The following PTPRD variants were observed in gnomAD, a reference collection of about 807,000 sequenced individuals.
PTPRD encodes receptor-type tyrosine-protein phosphatase delta.
In PTPRD, 34 loss-of-function variants were observed where a neutral mutation model predicts 214.5. The ratio of observed to expected loss-of-function variants is 0.16; its 90% CI spans 0.12 to 0.21. The LOEUF (loss-of-function observed/expected upper bound fraction) is 0.21. Ranked by LOEUF, PTPRD falls within the 10% of genes least tolerant of loss-of-function variation. The pLI is 1.00. For synonymous variants in PTPRD, 1,128 were observed against 845.7 expected (o/e 1.33, Z -5.79); for missense variants, 2,545 against 2,398.7 (o/e 1.06, Z -1.27).
At chr9:8,688,205 A>T (rs2097723970) in intron 12 of PTPRD, among the ~76,000 whole-genome samples, 1 of 152,128 alleles carries the variant, frequency 6.6e-6, no homozygotes. Context: ...CATTTCCCTT[A>T]TCCCATTATT....
At chr9:10,071,907 CG>C (rs1334323672) in intron 3 of PTPRD, among the ~76,000 whole-genome samples, 1 of 151,472 alleles carries the variant, frequency 6.6e-6, no homozygotes, top group African/African-American at 2.4e-5. Flanking sequence ...CAATTTTTTT[CG>C]TTTTTTTAAA....
intron 11 of PTPRD, among the ~76,000 whole-genome samples, chr9:8,827,633 GC>G (rs2097202952): frequency 1.3e-5 from 2 of 152,140 alleles, no homozygotes; most frequent in East Asian, 1.9e-4. Flanking sequence ...TTAGGTTTTT[GC>G]CACAGAAAGT....
chr9:9,911,856 T>C (rs2079283981), intron 5 of PTPRD, among the ~76,000 whole-genome samples: 1 of 152,130 alleles, frequency 6.6e-6, no homozygotes, highest in Admixed American at 6.6e-5. Flanking sequence ...AAACCACATT[T>C]GGAAAACTAA....
intron 39 of PTPRD, among the ~76,000 whole-genome samples, chr9:8,364,461 C>G (rs1005537999): frequency 1.3e-5 from 2 of 152,168 alleles, no homozygotes; most frequent in Non-Finnish European, 2.9e-5. Flanking sequence ...CTGGCTGGAG[C>G]CTGAGATGAG....
intron 3 of PTPRD, among the ~76,000 whole-genome samples, chr9:10,057,525 A>T (rs2097677408): frequency 6.6e-6 from 1 of 152,116 alleles, no homozygotes; most frequent in Non-Finnish European, 1.5e-5. Flanking sequence ...AAACATTTGG[A>T]GTATTCTTCG....
At chr9:9,683,764 G>T (rs192948429) in intron 7 of PTPRD, among the ~76,000 whole-genome samples, 185 of 151,770 alleles carry the variant, frequency 1.2e-3, no homozygotes, top group African/African-American at 4.3e-3. Context: ...AAATAGCATT[G>T]TGAGATATAA....
At position 8,665,517 on chromosome 9, in the gene PTPRD, G is replaced by A. The variant is rs77448085; in HGVS notation, c.65-28673C>T. Among the ~76,000 whole-genome samples, 339 of 152,322 alleles carry A rather than the reference G, an allele frequency of 2.2e-3. 3 individuals carry two copies. The highest frequency in any genetic ancestry group is 0.02 in the East Asian group (102 of 5,188). The stretch of plus-strand genomic sequence containing the variant: ...CAGCTTACCTGAATTAGAAAGAAAA[G>A]CTCAACTGTTAAGTCACTTACCCTA... On this transcript the variant is annotated intron_variant, in intron 12 of 45. Transcript: ENST00000381196.
At chr9:9,622,481 C>A (rs986138517) in intron 7 of PTPRD, among the ~76,000 whole-genome samples, 1 of 152,164 alleles carries the variant, frequency 6.6e-6, no homozygotes, top group Non-Finnish European at 1.5e-5. Flanking sequence ...AATGTTATTG[C>A]ATCTCAGAAG....
intron 12 of PTPRD, among the ~76,000 whole-genome samples, chr9:8,680,585 T>A (rs1440353275): frequency 6.6e-6 from 1 of 152,120 alleles, no homozygotes; most frequent in African/African-American, 2.4e-5. Flanking sequence ...CACACAAACA[T>A]AATGTACGTA....
intron 14 of PTPRD, among the ~76,000 whole-genome samples, chr9:8,560,171 GGTTT>G (rs2085598876): frequency 6.6e-6 from 1 of 151,640 alleles, no homozygotes; most frequent in Non-Finnish European, 1.5e-5. Flanking sequence ...GCTTTTTGTG[GGTTT>G]ATTATAATTT....
At chr9:9,537,499 C>G (rs1451565884) in intron 8 of PTPRD, among the ~76,000 whole-genome samples, 3 of 151,974 alleles carry the variant, frequency 2.0e-5, no homozygotes, top group African/African-American at 7.2e-5. Flanking sequence ...TAATTTTGCT[C>G]TTAAAACCAG....
chr9:8,985,597 G>A (rs1460383046), intron 11 of PTPRD, among the ~76,000 whole-genome samples: 1 of 151,262 alleles, frequency 6.6e-6, no homozygotes, highest in Non-Finnish European at 1.5e-5. Context: ...TAGTCACTCA[G>A]TGGTTCCTTC....
intron 2 of PTPRD, among the ~76,000 whole-genome samples, chr9:10,538,704 T>C (rs1247922661): frequency 3.9e-5 from 6 of 152,188 alleles, no homozygotes; most frequent in Admixed American, 6.6e-5. Context: ...ATCCTGTTTA[T>C]CTTTTAGATT....
At chr9:10,558,227 C>T (rs963464675) in intron 2 of PTPRD, among the ~76,000 whole-genome samples, 1 of 152,012 alleles carries the variant, frequency 6.6e-6, no homozygotes, top group Non-Finnish European at 1.5e-5. Flanking sequence ...TAAGACTATG[C>T]TAATACACTC....
At chr9:9,554,513 C>T (rs1378084807) in intron 8 of PTPRD, among the ~76,000 whole-genome samples, 1 of 151,540 alleles carries the variant, frequency 6.6e-6, no homozygotes, top group Non-Finnish European at 1.5e-5. Context: ...CAAGCAAATA[C>T]TGTAGGGTTA....
intron 5 of PTPRD, among the ~76,000 whole-genome samples, chr9:9,816,812 A>G (rs956444833): frequency 6.6e-6 from 1 of 152,012 alleles, no homozygotes; most frequent in Non-Finnish European, 1.5e-5. Context: ...AAAATCCTTC[A>G]ATAGTAAGAG....
chr9:9,468,400 C>T (rs1023259805), intron 8 of PTPRD, among the ~76,000 whole-genome samples: 2 of 151,944 alleles, frequency 1.3e-5, no homozygotes, highest in African/African-American at 2.4e-5. Context: ...TAGATATGTG[C>T]ATTTAGTTAT....
At chr9:8,566,901 C>T (rs754762236) in intron 14 of PTPRD, among the ~76,000 whole-genome samples, 10 of 152,068 alleles carry the variant, frequency 6.6e-5, no homozygotes, top group Non-Finnish European at 1.2e-4. Context: ...GGTCATCAGT[C>T]CTGGTTGCTG....
intron 4 of PTPRD, among the ~76,000 whole-genome samples, chr9:9,978,829 CA>C (rs1208470783): frequency 6.6e-6 from 1 of 152,008 alleles, no homozygotes; most frequent in East Asian, 1.9e-4. Context: ...AGATACATCT[CA>C]GTCACACTGA....
Sources: allele counts gnomAD v4.1 joint callset (sites outside exome capture counted in the v4.1 genomes callset), GRCh38; gene constraint gnomAD v4.1.1; transcripts MANE v1.5; gene names NCBI Gene and HGNC (gene_info 2026-07-23, HGNC 2026-07-21).